Variants in GPC3 observed in about 807,000 individuals in gnomAD.
GPC3 encodes the protein glypican-3.
A neutral mutation model predicts 34.4 loss-of-function variants in GPC3; 3 were observed. The ratio of observed to expected loss-of-function variants is 0.09; its 90% confidence interval spans 0.04 to 0.23. GPC3 has a LOEUF of 0.23. Ranked by LOEUF, GPC3 falls within the 10% of genes least tolerant of loss-of-function variation. GPC3 has a pLI of 1.00. For synonymous variants in GPC3, 177 were observed against 174.0 expected, an observed-to-expected ratio of 1.02 and a Z score of -0.13; for missense variants, 351 against 445.6, an observed-to-expected ratio of 0.79 and a Z score of 1.91.
chrX:133,801,921 A>T (rs1177772660), intron 2 of GPC3, among the ~76,000 whole-genome samples: 1 of 112,250 alleles, frequency 8.9e-6, no homozygotes, highest in Non-Finnish European at 1.9e-5. Flanking sequence ...GCACATGCAC[A>T]TGTGTATGTG....
At chrX:133,623,983 T>A (rs750556269) in intron 6 of GPC3, among the ~76,000 whole-genome samples, 5 of 111,902 alleles carry the variant, frequency 4.5e-5, no homozygotes, top group African/African-American at 1.3e-4. Flanking sequence ...GGAATCAAAC[T>A]AGAACTGAGG....
intron 6 of GPC3, among the ~76,000 whole-genome samples, chrX:133,629,288 C>T (rs141351518): frequency 0.015 from 1,717 of 111,846 alleles, 29 homozygotes; most frequent in African/African-American, 0.053. Flanking sequence ...TGGGGGAAAT[C>T]GCTCCACCTC....
chrX:133,907,499 T>C (rs1305205054), intron 2 of GPC3, among the ~76,000 whole-genome samples: 1 of 111,795 alleles, frequency 8.9e-6, no homozygotes, highest in Admixed American at 9.5e-5. Context: ...ATAGCTACTG[T>C]TCACATTGTG....
At chrX:133,763,186 C>T (rs2071813100) in intron 2 of GPC3, 2 of 669,687 alleles carry the variant, frequency 3.0e-6, no homozygotes, top group Admixed American at 4.4e-5. Context: ...CAGGGCTGAC[C>T]ACCAGCCTCT....
chrX:133,971,768 C>G (rs1479775935), intron 1 of GPC3, among the ~76,000 whole-genome samples: 1 of 110,843 alleles, frequency 9.0e-6, no homozygotes, highest in African/African-American at 3.3e-5. Context: ...TATTGAGCCC[C>G]AGGAGGGCTG....
At chrX:133,905,006 C>T (rs944291734) in intron 2 of GPC3, among the ~76,000 whole-genome samples, 8 of 112,209 alleles carry the variant, frequency 7.1e-5, no homozygotes, top group African/African-American at 2.6e-4. Context: ...TTTACCACAT[C>T]GTCTCCACCC....
intron 3 of GPC3, among the ~76,000 whole-genome samples, chrX:133,724,982 A>G (rs1443867682): frequency 1.8e-5 from 2 of 111,688 alleles, no homozygotes; most frequent in Non-Finnish European, 3.8e-5. Context: ...CCTGATAGGT[A>G]TTATCAGGTC....
At chrX:133,698,856 C>A (rs1054576213) in intron 4 of GPC3, among the ~76,000 whole-genome samples, 1 of 111,928 alleles carries the variant, frequency 8.9e-6, no homozygotes, top group Non-Finnish European at 1.9e-5. Flanking sequence ...GGTTACAATG[C>A]CTATTTGAGG....
chrX:133,537,250 T>C (rs1009632789), intron 7 of GPC3, among the ~76,000 whole-genome samples: 1 of 111,974 alleles, frequency 8.9e-6, no homozygotes, highest in Non-Finnish European at 1.9e-5. Context: ...CTAGACTCCG[T>C]TGCCAATGTT....
chrX:133,790,091 A>G (rs1312209413), intron 2 of GPC3, among the ~76,000 whole-genome samples: 4 of 111,294 alleles, frequency 3.6e-5, no homozygotes, highest in Non-Finnish European at 7.5e-5. Flanking sequence ...TGAGGAGTCA[A>G]TTGGCTGGAT....
chrX:133,977,713 G>C (rs968964207), intron 1 of GPC3, among the ~76,000 whole-genome samples: 8 of 111,708 alleles, frequency 7.2e-5, no homozygotes, highest in African/African-American at 2.6e-4. Flanking sequence ...GTTTTCAAAT[G>C]AACATCATCC....
chrX:133,734,718 A>ATC (rs113935655), intron 3 of GPC3, among the ~76,000 whole-genome samples: 10 of 107,696 alleles, frequency 9.3e-5, no homozygotes, highest in South Asian at 4.0e-4. Context: ...AAGACTGACA[A>ATC]TCTCTCTCTC....
chrX:133,703,758 C>A (rs2071188266), intron 3 of GPC3, among the ~76,000 whole-genome samples: 1 of 112,039 alleles, frequency 8.9e-6, no homozygotes, highest in African/African-American at 3.2e-5. Flanking sequence ...CCGCGCCCAG[C>A]CAGGAAGACA....
intron 2 of GPC3, among the ~76,000 whole-genome samples, chrX:133,861,781 C>G (rs1001351243): frequency 9.0e-6 from 1 of 111,118 alleles, no homozygotes; most frequent in Non-Finnish European, 1.9e-5. Context: ...CTGCTCTGGC[C>G]ATGTGATGTG....
rs187203172 is a variant in GPC3, at chrX:133,646,698, C to T, written c.1413+15032G>A. ...TTGCTATTACTCAGGCTTTGACAGA[C>T]AAAGTAGGTTTCCCATCTTTGCTCA... On this transcript the variant is annotated intron_variant, in intron 6 of 7. Transcript: ENST00000370818. Among the ~76,000 whole-genome samples, 220 of 112,129 alleles carry T rather than the reference C, an allele frequency of 2.0e-3. 1 individual carries two copies. The highest frequency in any genetic ancestry group is 6.8e-3 in the African/African-American group (211 of 30,878).
chrX:133,648,153 C>T (rs757659287), intron 6 of GPC3, among the ~76,000 whole-genome samples: 1 of 112,108 alleles, frequency 8.9e-6, no homozygotes, highest in Non-Finnish European at 1.9e-5. Flanking sequence ...CGGTTCTCAT[C>T]TCCTAAACCA....
chrX:133,689,593 C>T (rs2071042321), intron 5 of GPC3, among the ~76,000 whole-genome samples: 1 of 111,782 alleles, frequency 8.9e-6, no homozygotes, highest in Non-Finnish European at 1.9e-5. Context: ...GATTTTTCAC[C>T]ATAAACAATA....
chrX:133,792,367 AAC>A (rs1363935767), intron 2 of GPC3, among the ~76,000 whole-genome samples: 2 of 111,581 alleles, frequency 1.8e-5, no homozygotes, highest in African/African-American at 6.5e-5. Flanking sequence ...AAAAATTACA[AAC>A]ATAGTAGATG....
intron 2 of GPC3, among the ~76,000 whole-genome samples, chrX:133,930,692 G>A (rs1282178320): frequency 8.9e-6 from 1 of 112,209 alleles, no homozygotes; most frequent in Non-Finnish European, 1.9e-5. Context: ...CTGGAGTGCA[G>A]TGGTGCGATC....
Sources: allele counts gnomAD v4.1 joint callset (sites outside exome capture counted in the v4.1 genomes callset), GRCh38; gene constraint gnomAD v4.1.1; transcripts MANE v1.5; gene names NCBI Gene and HGNC (gene_info 2026-07-23, HGNC 2026-07-21).